Variants in METAP1D observed in about 807,000 individuals in gnomAD.
The protein encoded by METAP1D is methionyl aminopeptidase type 1D, mitochondrial, also known as methionine aminopeptidase 1D, mitochondrial.
METAP1D carries 31 observed loss-of-function variants against 40.5 expected under a neutral mutation model. The observed-to-expected ratio is 0.77, with a 90% confidence interval of 0.58 to 1.03. METAP1D has a LOEUF of 1.03. Ranked by LOEUF, METAP1D falls within the 50% of genes least tolerant of loss-of-function variation. The pLI, the probability that METAP1D is intolerant of heterozygous loss-of-function variation, is 0.00. For missense variants in METAP1D, 411 were observed against 420.7 expected, an observed-to-expected ratio of 0.98 and a Z score of 0.20; for synonymous variants, 151 against 146.4, an observed-to-expected ratio of 1.03 and a Z score of -0.22.
chr2:172,036,071 A>T (rs370702073), intron 1 of METAP1D, among the ~76,000 whole-genome samples: 91 of 152,178 alleles, frequency 6.0e-4, no homozygotes, highest in Non-Finnish European at 1.0e-3. Context: ...TAATGCCAGC[A>T]CTTTGGGAGG....
In METAP1D at chr2:172,045,829, A is replaced by G. The variant is rs1178961242; in HGVS notation, c.41-15669A>G. Among the ~76,000 whole-genome samples, 96 of 71,056 alleles carry G rather than the reference A, an allele frequency of 1.4e-3. 1 individual carries two copies. Among genetic ancestry groups the G allele is most frequent in the African/African-American group, 2.5e-3 (45 of 17,944 alleles). 46.6% of individuals were successfully genotyped at this position (71,056 alleles called of 152,430 possible). A position where few individuals can be genotyped will look rare whatever the true frequency, so the allele number is the denominator to read the frequency against. ...TGTGTGTGTGTGTGTGTATATATAT[A>G]TATATATATATATATATATATATAT... On this transcript the variant is annotated intron_variant, in intron 1 of 9. Coordinates refer to ENST00000315796, the MANE Select transcript of METAP1D (RefSeq NM_199227.3).
intron 1 of METAP1D, among the ~76,000 whole-genome samples, chr2:172,042,198 CATATACATATGTATGTGTACAT>C (rs1689555823): frequency 5.5e-5 from 1 of 18,326 alleles, no homozygotes. Context: ...CATGTGTACA[CATATACATATGTATGTGTACAT>C]GTGTACACAT....
intron 1 of METAP1D, among the ~76,000 whole-genome samples, chr2:172,003,582 C>A (rs1328857161): frequency 6.6e-6 from 1 of 152,126 alleles, no homozygotes; most frequent in African/African-American, 2.4e-5. Context: ...TGCTTGCACT[C>A]ATTCTCTCTC....
chr2:172,061,626 G>A lies in METAP1D; in HGVS notation c.169G>A (p.Ala57Thr). 6.2e-7 allele frequency: 1 copy of A among 1,612,346 alleles called. No individual in the cohort carries two copies. The highest frequency in any genetic ancestry group is 8.5e-7 in the Non-Finnish European group (1 of 1,179,362). ...TTCACACAGTATAGTTTTGCCGGCT[G>A]CAGTTTCTTCAGCTCATCCGGTTCC... ...DISHSIVLPAAVSSAHPVPKH... is the reference protein window; with the variant it reads ...DISHSIVLPATVSSAHPVPKH... The change falls in exon 2 of 10, where the codon GCA becomes ACA. Residue 57 changes from alanine (A) to threonine (T), a missense_variant. Coordinates refer to ENST00000315796, the MANE Select transcript of METAP1D (RefSeq NM_199227.3).
chr2:172,026,531 T>A (rs1558999470), intron 1 of METAP1D, among the ~76,000 whole-genome samples: 1 of 152,218 alleles, frequency 6.6e-6, no homozygotes, highest in Non-Finnish European at 1.5e-5. Context: ...CCCTTCATCA[T>A]GGAGTTTTTT....
At chr2:172,055,884 T>C (rs1231963020) in intron 1 of METAP1D, among the ~76,000 whole-genome samples, 3 of 152,218 alleles carry the variant, frequency 2.0e-5, no homozygotes, top group Non-Finnish European at 4.4e-5. Context: ...CATGTGTGGG[T>C]GTGTCTGCAT....
At position 172,003,796 on chromosome 2, in the gene METAP1D, G is replaced by A. The variant is rs376378585; in HGVS notation, c.40+3787G>A. Among the ~76,000 whole-genome samples, 10 of 151,700 alleles carry A rather than the reference G, an allele frequency of 6.6e-5. No individual in the cohort carries two copies. In the South Asian group the frequency reaches 1.5e-3, roughly 22 times the overall value. On this transcript the variant is annotated intron_variant, in intron 1 of 9. Coordinates refer to ENST00000315796, the MANE Select transcript of METAP1D (RefSeq NM_199227.3). Reference sequence around the variant, plus strand: ...TCTTTTTTTTTTGAGACAGAGTCTCGCCCTGTAGCACAGGGTGAAGTGCAG... The same window carrying A: ...TCTTTTTTTTTTGAGACAGAGTCTCACCCTGTAGCACAGGGTGAAGTGCAG...
At chr2:172,015,034 T>TTTTTATA (rs1194881184) in intron 1 of METAP1D, among the ~76,000 whole-genome samples, 2 of 152,198 alleles carry the variant, frequency 1.3e-5, no homozygotes, top group Non-Finnish European at 2.9e-5. Context: ...CAAAGTAGAT[T>TTTTTATA]TTTTATATTT....
intron 1 of METAP1D, among the ~76,000 whole-genome samples, chr2:172,053,178 G>A (rs575557280): frequency 6.6e-6 from 1 of 152,308 alleles, no homozygotes; most frequent in South Asian, 2.1e-4. Flanking sequence ...GAAATATAAG[G>A]CATGGATGCA....
At position 172,042,709 on chromosome 2, in the gene METAP1D, G is replaced by GTA. The variant is rs1559007833; in HGVS notation, c.41-18788_41-18787insAT. 1.4e-4 allele frequency among the ~76,000 whole-genome samples: 2 copies of GTA among 13,880 alleles called. 1 individual carries two copies. Among genetic ancestry groups the GTA allele is most frequent in the South Asian group, 0.015 (2 of 130 alleles). 9.1% of individuals were successfully genotyped at this position (13,880 alleles called of 152,430 possible). Reference sequence around the variant, plus strand: ...TATATGTGTACACATATACGTGTGTGTGTGTATATGTGTACACATATACGT... The same window carrying GTA: ...TATATGTGTACACATATACGTGTGTGTATGTGTATATGTGTACACATATACGT... On this transcript the variant is annotated intron_variant, in intron 1 of 9. Coordinates refer to ENST00000315796, the MANE Select transcript of METAP1D (RefSeq NM_199227.3).
intron 1 of METAP1D, among the ~76,000 whole-genome samples, chr2:172,043,112 TA>T (rs1429856162): frequency 0.58 from 31,229 of 54,198 alleles, 9,361 homozygotes; most frequent in Non-Finnish European, 0.72. Context: ...TATATATATA[TA>T]TATATTTTTT....
chr2:172,032,037 A>G (rs1475359513), intron 1 of METAP1D, among the ~76,000 whole-genome samples: 4 of 152,218 alleles, frequency 2.6e-5, no homozygotes, highest in Admixed American at 2.0e-4. Context: ...TGCCAGATGT[A>G]GGGAGCAAGG....
At position 172,045,815 on chromosome 2, in the gene METAP1D, G is replaced by GTATATA. The variant is rs1481007010; in HGVS notation, c.41-15682_41-15681insATATAT. ...TGTATATATGTGTGTGTGTGTGTGT[G>GTATATA]TGTGTATATATATATATATATATAT... On this transcript the variant is annotated intron_variant, in intron 1 of 9. Transcript: ENST00000315796. Among the ~76,000 whole-genome samples the GTATATA allele has an allele frequency of 4.8e-3, 117 of 24,222 alleles. 6 individuals are homozygous for GTATATA. The highest frequency in any genetic ancestry group is 9.8e-3 in the East Asian group (5 of 510). 15.9% of individuals were successfully genotyped at this position (24,222 alleles called of 152,430 possible). A position where few individuals can be genotyped will look rare whatever the true frequency, so the allele number is the denominator to read the frequency against.
At chr2:172,017,609 A>G (rs532414644) in intron 1 of METAP1D, among the ~76,000 whole-genome samples, 23 of 152,144 alleles carry the variant, frequency 1.5e-4, no homozygotes, top group Non-Finnish European at 1.6e-4. Context: ...AATTAGGAAT[A>G]TGGACAAAAA....
intron 8 of METAP1D, among the ~76,000 whole-genome samples, 176 bp downstream of exon 8, chr2:172,079,438 A>C (rs1690643446): frequency 6.6e-6 from 1 of 152,250 alleles, no homozygotes; most frequent in Non-Finnish European, 1.5e-5. Flanking sequence ...CCTAAATCAG[A>C]TACTTACCGA....
rs1188835723 is a variant in METAP1D, at chr2:172,016,300, AATAT to A, written c.40+16319_40+16322del. ...CAAAAAAAAAAAAAAAAAAAAAAAA[AATAT>A]ATATATATATATATATATATATATA... On this transcript the variant is annotated intron_variant, in intron 1 of 9. Transcript: ENST00000315796. 9.8e-3 allele frequency among the ~76,000 whole-genome samples: 391 copies of A among 40,006 alleles called. 6 individuals carry two copies. Among genetic ancestry groups the A allele is most frequent in the East Asian group, 0.078 (87 of 1,112 alleles). 26.2% of individuals were successfully genotyped at this position (40,006 alleles called of 152,430 possible).
At chr2:172,053,290 G>T (rs939760811) in intron 1 of METAP1D, among the ~76,000 whole-genome samples, 1 of 152,164 alleles carries the variant, frequency 6.6e-6, no homozygotes, top group African/African-American at 2.4e-5. Flanking sequence ...CTTTCTGTGG[G>T]TCTAAATCAG....
chr2:172,079,122 A>C (rs1472508478), intron 7 of METAP1D, 93 bp from the exon 8 acceptor site: 2 of 1,318,200 alleles, frequency 1.5e-6, no homozygotes, highest in Admixed American at 3.8e-5. Context: ...TAAAACGACC[A>C]AGTTTTTTAA....
chr2:172,012,005 A>G (rs1303347590), intron 1 of METAP1D, among the ~76,000 whole-genome samples: 1 of 152,166 alleles, frequency 6.6e-6, no homozygotes, highest in African/African-American at 2.4e-5. Flanking sequence ...ATGAAAGTTA[A>G]CTCTTGCCAT....
Sources: gnomAD v4.1 joint callset for allele counts (sites outside exome capture counted in the v4.1 genomes callset) on GRCh38, gnomAD v4.1.1 for gene constraint, MANE v1.5 for transcripts, NCBI Gene and HGNC (gene_info 2026-07-23, HGNC 2026-07-21) for gene names.